The following DCLK1 variants were observed in gnomAD, a reference collection of about 807,000 sequenced individuals.
DCLK1 encodes the protein doublecortin like kinase 1, also known as serine/threonine-protein kinase DCLK1.
In DCLK1, 16 loss-of-function variants were observed where a neutral mutation model predicts 86.2. The observed-to-expected ratio is 0.19, with a 90% CI of 0.13 to 0.28. The LOEUF (loss-of-function observed/expected upper bound fraction) is 0.28. Ranked by LOEUF, DCLK1 falls within the 10% of genes least tolerant of loss-of-function variation. The pLI, the probability that DCLK1 is intolerant of heterozygous loss-of-function variation, is 1.00. For synonymous variants in DCLK1, 369 were observed against 370.5 expected (o/e 1.00, Z 0.05); for missense variants, 590 against 940.2 (o/e 0.63, Z 4.87).
chr13:36,087,408 C>T (rs112438692), intron 3 of DCLK1, among the ~76,000 whole-genome samples: 1 of 152,064 alleles, frequency 6.6e-6, no homozygotes, highest in Non-Finnish European at 1.5e-5. Flanking sequence ...AAAAATAAAC[C>T]CTTGCAAAGG....
chr13:36,041,390 T>A (rs1229100740), intron 3 of DCLK1, among the ~76,000 whole-genome samples: 1 of 152,186 alleles, frequency 6.6e-6, no homozygotes, highest in Admixed American at 6.6e-5. Flanking sequence ...GCATCAGAAC[T>A]GTTAACCTGT....
chr13:35,863,919 T>G (rs1412155676), intron 5 of DCLK1, among the ~76,000 whole-genome samples: 1 of 152,226 alleles, frequency 6.6e-6, no homozygotes, highest in Non-Finnish European at 1.5e-5. Context: ...TAAAAAGACT[T>G]CAGGATTTCT....
intron 3 of DCLK1, among the ~76,000 whole-genome samples, chr13:36,091,799 G>A (rs150521725): frequency 6.6e-6 from 1 of 152,216 alleles, no homozygotes; most frequent in East Asian, 1.9e-4. Flanking sequence ...CACTCCCAAC[G>A]ATAGCTATCC....
chr13:35,833,131 G>T (rs369798156), intron 8 of DCLK1, among the ~76,000 whole-genome samples: 8 of 152,068 alleles, frequency 5.3e-5, no homozygotes, highest in South Asian at 2.1e-4. Flanking sequence ...TATAGGTGCC[G>T]GTGGGAGAGA....
rs75395481 is a variant in DCLK1, at chr13:35,925,816, C to T, written c.823+21542G>A. On this transcript the variant is annotated intron_variant, in intron 4 of 16. Transcript: ENST00000360631. ...CGGACTCTAATTATACACGTGCATA[C>T]TCTTCATTCACTCTGCAGAGAACAA... Among the ~76,000 whole-genome samples, 1,294 of 152,274 alleles carry T rather than the reference C, an allele frequency of 8.5e-3. 19 individuals are homozygous for T. The highest frequency in any genetic ancestry group is 0.068 in the South Asian group (327 of 4,830).
rs1456207278 is a variant in DCLK1 at position 36,110,853 on chromosome 13, C to T, written c.723+1016G>A. ...TTTTTTTTTTTTTTTTTTTTTGAGA[C>T]GGAATCTTGTTCTGTCACCCAGGCT... On this transcript the variant is annotated intron_variant, in intron 3 of 16. Coordinates refer to ENST00000360631, the MANE Select transcript of DCLK1 (RefSeq NM_001330071.2). Among the ~76,000 whole-genome samples, 43 of 114,442 alleles carry T rather than the reference C, an allele frequency of 3.8e-4. No homozygotes were observed. In the East Asian group the frequency reaches 6.7e-3, roughly 18 times the overall value. 75.1% of individuals were successfully genotyped at this position (114,442 alleles called of 152,430 possible). A position where few individuals can be genotyped will look rare whatever the true frequency, so the allele number is the denominator to read the frequency against.
At chr13:35,813,320 G>A (rs1203119180) in intron 11 of DCLK1, among the ~76,000 whole-genome samples, 1 of 151,588 alleles carries the variant, frequency 6.6e-6, no homozygotes, top group African/African-American at 2.4e-5. Context: ...CTTAAACACA[G>A]TATCTACACC....
intron 10 of DCLK1, among the ~76,000 whole-genome samples, chr13:35,823,530 A>G (rs754078472): frequency 2.6e-5 from 4 of 152,144 alleles, no homozygotes; most frequent in Non-Finnish European, 4.4e-5. Flanking sequence ...AGGGGGGGAA[A>G]TCTCAAAGAA....
At chr13:36,100,833 C>A (rs547932136) in intron 3 of DCLK1, among the ~76,000 whole-genome samples, 2 of 152,310 alleles carry the variant, frequency 1.3e-5, no homozygotes, top group South Asian at 4.1e-4. Context: ...TTCCTTCACA[C>A]CAGTTTATCC....
chr13:36,087,753 A>C (rs529504102), intron 3 of DCLK1, among the ~76,000 whole-genome samples: 1 of 152,160 alleles, frequency 6.6e-6, no homozygotes, highest in African/African-American at 2.4e-5. Flanking sequence ...GGGAGTGGGC[A>C]AAGGTCAGTT....
In DCLK1 at chr13:35,973,837, T is replaced by G. The variant is rs116357337; in HGVS notation, c.724-26380A>C. 6.0e-3 allele frequency among the ~76,000 whole-genome samples: 920 copies of G among 152,244 alleles called. 15 individuals are homozygous for G. Among genetic ancestry groups the G allele is most frequent in the African/African-American group, 0.021 (880 of 41,552 alleles). On this transcript the variant is annotated intron_variant, in intron 3 of 16. Coordinates refer to ENST00000360631, the MANE Select transcript of DCLK1 (RefSeq NM_001330071.2). The stretch of plus-strand genomic sequence containing the variant: ...GGAAGAGGGAGCAGGGGCTGGCTCA[T>G]GGTCCTGGAGGAGGTCAGAGCACAG...
At chr13:35,805,315 T>C (rs745571519) in intron 15 of DCLK1, 3 of 182,148 alleles carry the variant, frequency 1.6e-5, no homozygotes, top group African/African-American at 2.3e-5. Context: ...CTTTTTTTTT[T>C]AGATGATGTC....
intron 3 of DCLK1, among the ~76,000 whole-genome samples, chr13:35,974,467 T>G (rs1593783395): frequency 6.6e-6 from 1 of 152,200 alleles, no homozygotes; most frequent in Non-Finnish European, 1.5e-5. Context: ...AAGTCTCATG[T>G]CGAATTGTAA....
chr13:35,953,609 C>T (rs1291416599), intron 3 of DCLK1, among the ~76,000 whole-genome samples: 1 of 152,130 alleles, frequency 6.6e-6, no homozygotes, highest in Non-Finnish European at 1.5e-5. Flanking sequence ...GGAAACAAAA[C>T]GCTACAGACA....
rs11843305 is a variant in DCLK1 at position 35,891,501 on chromosome 13, G to C, written c.824-20161C>G. Among the ~76,000 whole-genome samples, 1,312 of 152,252 alleles carry C rather than the reference G, an allele frequency of 8.6e-3. 24 individuals are homozygous for C. Among genetic ancestry groups the C allele is most frequent in the African/African-American group, 0.03 (1,241 of 41,540 alleles). ...AATTATAGGACTGCTAATGGATATG[G>C]AGTTTATTTCTGGGGTGATGAAAAT... is the stretch of plus-strand genomic sequence containing the variant. On this transcript the variant is annotated intron_variant, in intron 4 of 16. Coordinates refer to ENST00000360631, the MANE Select transcript of DCLK1 (RefSeq NM_001330071.2).
intron 3 of DCLK1, among the ~76,000 whole-genome samples, chr13:36,035,250 T>C (rs544642621): frequency 3.3e-5 from 5 of 152,284 alleles, no homozygotes; most frequent in Admixed American, 1.3e-4. Flanking sequence ...ACTCCTTTTC[T>C]TTCTATAGCA....
At chr13:36,104,553 C>T (rs544036862) in intron 3 of DCLK1, among the ~76,000 whole-genome samples, 102 of 152,242 alleles carry the variant, frequency 6.7e-4, no homozygotes, top group African/African-American at 2.4e-3. Context: ...TGAGTAGGTT[C>T]TTGCTTTGCA....
intron 4 of DCLK1, among the ~76,000 whole-genome samples, chr13:35,920,184 C>T (rs1249571981): frequency 3.3e-5 from 5 of 152,202 alleles, no homozygotes; most frequent in Non-Finnish European, 5.9e-5. Context: ...GTATCTGCAA[C>T]TATGTCCACA....
chr13:35,954,211 C>CT (rs767200557), intron 3 of DCLK1, among the ~76,000 whole-genome samples: 2,349 of 151,712 alleles, frequency 0.015, 49 homozygotes, highest in African/African-American at 0.05. Flanking sequence ...GCTTACACTG[C>CT]TTTTTTTTTA....
Sources: gnomAD v4.1 joint callset for allele counts (sites outside exome capture counted in the v4.1 genomes callset) on GRCh38, gnomAD v4.1.1 for gene constraint, MANE v1.5 for transcripts, NCBI Gene and HGNC (gene_info 2026-07-23, HGNC 2026-07-21) for gene names.